The following SORCS3 variants were observed in gnomAD, a reference collection of about 807,000 sequenced individuals.
SORCS3 encodes the protein sortilin related VPS10 domain containing receptor 3.
In SORCS3, 57 loss-of-function variants were observed where a neutral mutation model predicts 146.3. That is an observed-to-expected ratio of 0.39 (90% CI 0.31 to 0.49). The LOEUF is 0.49. Ranked by LOEUF, SORCS3 falls within the 20% of genes least tolerant of loss-of-function variation. The pLI, the probability that SORCS3 is intolerant of heterozygous loss-of-function variation, is 0.92. For synonymous variants in SORCS3, 653 were observed against 618.5 expected, an observed-to-expected ratio of 1.06 and a Z score of -0.83; for missense variants, 1,341 against 1,575.5, an observed-to-expected ratio of 0.85 and a Z score of 2.52.
intron 22 of SORCS3, among the ~76,000 whole-genome samples, chr10:105,252,345 G>A (rs2056904607): frequency 6.6e-6 from 1 of 152,168 alleles, no homozygotes; most frequent in Admixed American, 6.5e-5. Flanking sequence ...TTTAATAAGT[G>A]AAAGCAAGTA....
At chr10:104,893,155 G>A (rs563406627) in intron 2 of SORCS3, among the ~76,000 whole-genome samples, 2 of 152,118 alleles carry the variant, frequency 1.3e-5, no homozygotes, top group Non-Finnish European at 2.9e-5. Context: ...ACTCTAGATT[G>A]TGAGCTTCAT....
At chr10:105,121,749 C>G (rs1045610415) in intron 7 of SORCS3, among the ~76,000 whole-genome samples, 8 of 152,144 alleles carry the variant, frequency 5.3e-5, no homozygotes, top group Non-Finnish European at 8.8e-5. Flanking sequence ...GTATTCATGC[C>G]TGAGCCTCTG....
chr10:104,987,145 A>C (rs2054966831), intron 4 of SORCS3, among the ~76,000 whole-genome samples: 1 of 152,098 alleles, frequency 6.6e-6, no homozygotes, highest in Non-Finnish European at 1.5e-5. Flanking sequence ...ACAAGTATGC[A>C]AAAAATAAGG....
At chr10:104,724,401 C>A (rs2016595826) in intron 1 of SORCS3, among the ~76,000 whole-genome samples, 1 of 152,122 alleles carries the variant, frequency 6.6e-6, no homozygotes, top group Non-Finnish European at 1.5e-5. Context: ...CTCTGGCTGC[C>A]CTTAACACTT....
intron 5 of SORCS3, among the ~76,000 whole-genome samples, chr10:105,044,508 C>A (rs932871799): frequency 6.6e-6 from 1 of 152,110 alleles, no homozygotes; most frequent in African/African-American, 2.4e-5. Flanking sequence ...TTATGCCTTA[C>A]ACAACTTAGG....
At chr10:104,720,133 G>A (rs2016528932) in intron 1 of SORCS3, among the ~76,000 whole-genome samples, 2 of 139,108 alleles carry the variant, frequency 1.4e-5, no homozygotes, top group African/African-American at 2.7e-5. Context: ...CCCTTCCCCC[G>A]ACCCCACAAC....
At chr10:104,712,260 G>A (rs1317707958) in intron 1 of SORCS3, among the ~76,000 whole-genome samples, 1 of 152,134 alleles carries the variant, frequency 6.6e-6, no homozygotes, top group African/African-American at 2.4e-5. Flanking sequence ...TGACCTGCCT[G>A]TTGCCACACA....
At chr10:105,230,914 T>G (rs1240203299) in intron 20 of SORCS3, among the ~76,000 whole-genome samples, 1 of 152,142 alleles carries the variant, frequency 6.6e-6, no homozygotes, top group Non-Finnish European at 1.5e-5. Flanking sequence ...GATATTGCAG[T>G]CTCCAGGGAG....
Position 105,201,209 on chromosome 10 carries a change from A to G in SORCS3, c.2217A>G (p.Ser739=), listed in dbSNP as rs752269637. The G allele has an allele frequency of 8.7e-6, 14 of 1,611,708 alleles. No homozygotes were observed. The highest frequency in any genetic ancestry group is 1.2e-5 in the Non-Finnish European group (14 of 1,178,896). The change falls in exon 16 of 27, where the codon TCA becomes TCG. Residue 739 remains serine (S), a synonymous_variant. Transcript: ENST00000369701. ...QCALGRDHSG[S]VVSEPCVCAN... ...CCCTGGGCCGAGACCACTCAGGATC[A>G]GTGGTCTCAGAACCCTGTGTCTGTG...
At position 105,115,371 on chromosome 10, in the gene SORCS3, T is replaced by A. The variant is rs376684914; in HGVS notation, c.1212+9856T>A. ...GCAAGAATTGAGAGACTAATCCACA[T>A]GCAAAAATCAGCCTCACTGTTTAGT... On this transcript the variant is annotated intron_variant, in intron 7 of 26. Transcript: ENST00000369701. Among the ~76,000 whole-genome samples, 10 of 152,324 alleles carry A rather than the reference T, an allele frequency of 6.6e-5. No individual in the cohort carries two copies. The East Asian group carries it at 1.5e-3, about 24-fold the overall frequency.
chr10:104,992,684 C>A (rs182124313), intron 4 of SORCS3, among the ~76,000 whole-genome samples: 3 of 152,290 alleles, frequency 2.0e-5, no homozygotes, highest in Admixed American at 2.0e-4. Flanking sequence ...CTATTTCACA[C>A]CAAAGTGCCC....
At chr10:104,909,267 A>G (rs983999254) in intron 2 of SORCS3, among the ~76,000 whole-genome samples, 5 of 152,160 alleles carry the variant, frequency 3.3e-5, no homozygotes, top group Non-Finnish European at 5.9e-5. Flanking sequence ...TGCCAACCTG[A>G]GCTAGAGCTA....
At chr10:105,083,200 A>C in intron 5 of SORCS3, among the ~76,000 whole-genome samples, 1 of 87,804 alleles carries the variant, frequency 1.1e-5, no homozygotes, top group Admixed American at 1.4e-4. Flanking sequence ...CATTAGCAAT[A>C]ATAATATATA....
At chr10:104,735,311 A>G (rs1482382017) in intron 1 of SORCS3, among the ~76,000 whole-genome samples, 1 of 152,124 alleles carries the variant, frequency 6.6e-6, no homozygotes, top group East Asian at 1.9e-4. Flanking sequence ...CTTGGGATTC[A>G]GGAAACTCCA....
At chr10:104,995,629 A>G (rs1278645286) in intron 4 of SORCS3, among the ~76,000 whole-genome samples, 3 of 152,140 alleles carry the variant, frequency 2.0e-5, no homozygotes, top group Non-Finnish European at 4.4e-5. Flanking sequence ...ACTATTGAAT[A>G]TTGAGAGTGT....
At chr10:104,890,286 G>C (rs188136014) in intron 2 of SORCS3, among the ~76,000 whole-genome samples, 1 of 151,768 alleles carries the variant, frequency 6.6e-6, no homozygotes, top group Non-Finnish European at 1.5e-5. Context: ...TCCTTTTAGA[G>C]ACTCTGATTA....
At chr10:104,828,985 A>G (rs1469764063) in intron 1 of SORCS3, among the ~76,000 whole-genome samples, 6 of 152,174 alleles carry the variant, frequency 3.9e-5, no homozygotes, top group African/African-American at 1.4e-4. Flanking sequence ...CTGAGAGTTT[A>G]AACTTTTTCC....
chr10:104,946,692 C>T (rs936674624), intron 3 of SORCS3, among the ~76,000 whole-genome samples: 2 of 152,184 alleles, frequency 1.3e-5, no homozygotes, highest in African/African-American at 2.4e-5. Flanking sequence ...AGTCTCATTT[C>T]TGTGCCTCTC....
chr10:104,696,079 ATATACACATATATAATATATC>A (rs2016177746), intron 1 of SORCS3, among the ~76,000 whole-genome samples: 9 of 18,688 alleles, frequency 4.8e-4, no homozygotes, highest in Admixed American at 3.8e-3. Flanking sequence ...AATATATATC[ATATACACATATATAATATATC>A]ATATACACAT....
Sources: allele counts gnomAD v4.1 joint callset (sites outside exome capture counted in the v4.1 genomes callset), GRCh38; gene constraint gnomAD v4.1.1; transcripts MANE v1.5; gene names NCBI Gene and HGNC (gene_info 2026-07-23, HGNC 2026-07-21).